The following SLC6A5 variants were observed in gnomAD, a reference collection of about 807,000 sequenced individuals.
SLC6A5 encodes the protein solute carrier family 6 member 5.
A neutral mutation model predicts 90.5 loss-of-function variants in SLC6A5; 58 were observed. That is an observed-to-expected ratio of 0.64 (90% CI 0.52 to 0.80). The LOEUF is 0.80. SLC6A5 is among the 30% of genes least tolerant of loss of function. The probability of loss-of-function intolerance (pLI) is 0.00; values close to 1 mark genes in which losing one functional copy is unlikely to be tolerated. For synonymous variants in SLC6A5, 427 were observed against 401.4 expected (o/e 1.06, Z -0.76); for missense variants, 1,015 against 1,017.6 (o/e 1.00, Z 0.03).
chr11:20,650,373 C>T (rs911845063), intron 14 of SLC6A5, among the ~76,000 whole-genome samples: 1 of 152,184 alleles, frequency 6.6e-6, no homozygotes, highest in African/African-American at 2.4e-5. Context: ...GCCAAGTCTT[C>T]AGAGGGGTCT....
intron 7 of SLC6A5, 123 bp downstream of exon 7, chr11:20,618,007 G>A: frequency 1.0e-6 from 1 of 978,496 alleles, no homozygotes; most frequent in Non-Finnish European, 1.6e-6. Flanking sequence ...CTCTGCCCTG[G>A]AGCAGCTGAG....
chr11:20,619,401 C>G (rs973560530), intron 7 of SLC6A5, among the ~76,000 whole-genome samples: 2 of 152,190 alleles, frequency 1.3e-5, no homozygotes, highest in Admixed American at 1.3e-4. Flanking sequence ...TCCACAGGGA[C>G]TTGAGTGGTG....
rs957749670 is a variant in SLC6A5 at position 20,614,583 on chromosome 11, T to G, written c.986-96T>G. 3 of 1,170,768 alleles carry G rather than the reference T, an allele frequency of 2.6e-6. No individual in the cohort carries two copies. In the African/African-American group the frequency reaches 4.5e-5, roughly 18 times the overall value. 72.5% of individuals were successfully genotyped at this position (1,170,768 alleles called of 1,614,324 possible). A position where few individuals can be genotyped will look rare whatever the true frequency, so the allele number is the denominator to read the frequency against. ...GAAGGTACTCTCCAATATTTGCAAA[T>G]GTTTTTGGCATTTGTTTTTAAACTG... On this transcript the variant is annotated intron_variant, in intron 5 of 15. Coordinates refer to ENST00000525748, the MANE Select transcript of SLC6A5 (RefSeq NM_004211.5).
rs377592707 is a variant in SLC6A5 at position 20,628,113 on chromosome 11, T to C, written c.1499+30T>C. 43 of 1,537,828 alleles carry C rather than the reference T, an allele frequency of 2.8e-5. No homozygotes were observed. The African/African-American group carries it at 4.8e-4, about 17-fold the overall frequency. On this transcript the variant is annotated intron_variant, in intron 9 of 15. Coordinates refer to ENST00000525748, the MANE Select transcript of SLC6A5 (RefSeq NM_004211.5). ...GTAGAGGTACTACAAGATCTGGGCA[T>C]AGCTGGTGAGTGGGACAGAAGAATG...
chr11:20,605,620 C>T (rs1031475550), intron 3 of SLC6A5, among the ~76,000 whole-genome samples: 4 of 152,168 alleles, frequency 2.6e-5, no homozygotes, highest in Non-Finnish European at 5.9e-5. Context: ...AGTGGGTTAT[C>T]AGGGTAGTGG....
intron 10 of SLC6A5, among the ~76,000 whole-genome samples, chr11:20,631,493 TTC>T (rs1853109462): frequency 6.6e-6 from 1 of 152,218 alleles, no homozygotes; most frequent in African/African-American, 2.4e-5. Context: ...TCATTTTTAT[TTC>T]ACTTAATCCA....
intron 7 of SLC6A5, among the ~76,000 whole-genome samples, chr11:20,622,570 G>A (rs1461437158): frequency 6.6e-6 from 1 of 152,152 alleles, no homozygotes; most frequent in African/African-American, 2.4e-5. Context: ...GACCTTGAAC[G>A]AGATATTTAA....
Position 20,655,496 on chromosome 11 carries a change from C to T in SLC6A5, c.*628C>T, listed in dbSNP as rs1350852895. On this transcript the variant is annotated 3_prime_UTR_variant, in exon 16 of 16. Transcript: ENST00000525748. ...TCTCCAGTTACCACTAACTCAGATG[C>T]TACAGTCTACACATTGTGACTTTGA... 1 of 157,584 alleles carries T rather than the reference C, an allele frequency of 6.3e-6. No homozygotes were observed. Among genetic ancestry groups the T allele is most frequent in the East Asian group, 1.8e-4 (1 of 5,442 alleles). The allele number at this position is 157,584 out of a possible 1,614,324, so 9.8% of individuals were successfully genotyped here.
chr11:20,635,715 G>A (rs547124857), intron 10 of SLC6A5, among the ~76,000 whole-genome samples: 16 of 152,174 alleles, frequency 1.1e-4, no homozygotes, highest in South Asian at 2.1e-4. Context: ...CTTTTAGAGC[G>A]GGGATTCTCA....
chr11:20,622,118 C>G (rs988854032), intron 7 of SLC6A5, among the ~76,000 whole-genome samples: 4 of 152,182 alleles, frequency 2.6e-5, no homozygotes, highest in Non-Finnish European at 5.9e-5. Context: ...CATTACTGTT[C>G]AAGTTTAACT....
intron 6 of SLC6A5, among the ~76,000 whole-genome samples, chr11:20,615,574 A>G (rs1852769716): frequency 6.6e-6 from 1 of 152,142 alleles, no homozygotes; most frequent in South Asian, 2.1e-4. Context: ...TCACCGTGTT[A>G]GCCAGGATGG....
intron 14 of SLC6A5, among the ~76,000 whole-genome samples, chr11:20,649,484 CA>C (rs1207495115): frequency 2.0e-5 from 3 of 152,170 alleles, no homozygotes; most frequent in Non-Finnish European, 4.4e-5. Context: ...TGGCAAAGGA[CA>C]AATTTGCCCG....
rs189972837 is a variant in SLC6A5 at position 20,633,847 on chromosome 11, C to T, written c.1625-2460C>T. Among the ~76,000 whole-genome samples the T allele has an allele frequency of 3.0e-4, 45 of 152,264 alleles. 1 individual carries two copies. The highest frequency in any genetic ancestry group is 3.4e-3 in the Middle Eastern group (1 of 294). ...GAGAACAAGTGACCCCCTAAGTCCT[C>T]GGCTAGCAAGAGGTACAGCCAGTTT... On this transcript the variant is annotated intron_variant, in intron 10 of 15. Transcript: ENST00000525748.
At chr11:20,654,581 G>A (rs1853604623) in intron 15 of SLC6A5, 132 bp from the exon 16 acceptor site, 1 of 818,438 alleles carries the variant, frequency 1.2e-6, no homozygotes, top group Non-Finnish European at 2.1e-6. Flanking sequence ...GCCTCTCTTG[G>A]TAGAGGGCCT....
intron 3 of SLC6A5, among the ~76,000 whole-genome samples, chr11:20,605,040 T>G (rs2133772419): frequency 6.6e-6 from 1 of 152,300 alleles, no homozygotes; most frequent in East Asian, 1.9e-4. Context: ...GAAAGCCGTT[T>G]CAGAGGTGGG....
At chr11:20,602,013 TC>T (rs1486866778) in intron 2 of SLC6A5, among the ~76,000 whole-genome samples, 1 of 152,224 alleles carries the variant, frequency 6.6e-6, no homozygotes, top group Non-Finnish European at 1.5e-5. Context: ...TCTTTTCTTT[TC>T]AAAAATAATT....
Position 20,654,773 on chromosome 11 carries a change from G to C in SLC6A5, c.2299G>C (p.Gly767Arg). 2 of 1,614,090 alleles carry C rather than the reference G, an allele frequency of 1.2e-6. No homozygotes were observed. The highest frequency in any genetic ancestry group is 2.7e-5 in the African/African-American group (2 of 75,026). The change falls in exon 16 of 16, where the codon GGG (glycine) becomes CGG (arginine). Residue 767 changes from glycine to arginine, a missense_variant. Gly to Arg is a moderately radical substitution (Grantham distance 125). Transcript: ENST00000525748. ...DWGPFLAQHRGERYKNMIDPL... is the reference protein window; with the variant it reads ...DWGPFLAQHRRERYKNMIDPL... ...GGGCCCATTCTTAGCTCAACACCGC[G>C]GGGAGCGTTACAAGAACATGATCGA...
chr11:20,648,512 G>A (rs563538738), intron 14 of SLC6A5, among the ~76,000 whole-genome samples: 1 of 152,172 alleles, frequency 6.6e-6, no homozygotes, highest in African/African-American at 2.4e-5. Context: ...GGGCATGAGA[G>A]TTGAAAAGGG....
chr11:20,651,471 A>G (rs1397214048), intron 14 of SLC6A5, among the ~76,000 whole-genome samples: 1 of 149,780 alleles, frequency 6.7e-6, no homozygotes, highest in East Asian at 2.1e-4. Flanking sequence ...ATGGGGTTTG[A>G]CCATGTTGGC....
Sources: gnomAD v4.1 joint callset for allele counts (sites outside exome capture counted in the v4.1 genomes callset) on GRCh38, gnomAD v4.1.1 for gene constraint, MANE v1.5 for transcripts, NCBI Gene and HGNC (gene_info 2026-07-23, HGNC 2026-07-21) for gene names.